The following PTPRK variants were observed in gnomAD, a reference collection of about 807,000 sequenced individuals.
The protein encoded by PTPRK is protein tyrosine phosphatase receptor type K.
Under a neutral mutation model 178.0 loss-of-function variants are expected in PTPRK, and 75 were observed. The observed-to-expected ratio is 0.42, with a 90% CI of 0.35 to 0.51. The LOEUF (loss-of-function observed/expected upper bound fraction) is 0.51, where lower values mean the gene tolerates loss of function less well. Among genes scored for constraint, PTPRK ranks in the 20% least tolerant of loss-of-function variants. PTPRK has a pLI of 0.02. For synonymous variants in PTPRK, 637 were observed against 620.6 expected, an observed-to-expected ratio of 1.03 and a Z score of -0.39; for missense variants, 1,441 against 1,797.8, an observed-to-expected ratio of 0.80 and a Z score of 3.59.
intron 7 of PTPRK, among the ~76,000 whole-genome samples, chr6:128,127,902 GCTTA>G: frequency 6.6e-6 from 1 of 152,236 alleles, no homozygotes; most frequent in Admixed American, 6.5e-5. Flanking sequence ...CTGTGGATCA[GCTTA>G]CTAAGAGACT....
chr6:128,503,054 C>G (rs1250618103), intron 1 of PTPRK, among the ~76,000 whole-genome samples: 1 of 152,126 alleles, frequency 6.6e-6, no homozygotes, highest in Non-Finnish European at 1.5e-5. Flanking sequence ...GGTGAAACCC[C>G]CGCCTCTACT....
At chr6:128,173,011 A>G (rs1450887447) in intron 7 of PTPRK, among the ~76,000 whole-genome samples, 1 of 151,982 alleles carries the variant, frequency 6.6e-6, no homozygotes, top group Non-Finnish European at 1.5e-5. Context: ...AATGAGAAGT[A>G]AGAGAGCAAT....
intron 2 of PTPRK, among the ~76,000 whole-genome samples, chr6:128,375,422 A>C (rs561588030): frequency 2.0e-5 from 3 of 152,038 alleles, no homozygotes; most frequent in African/African-American, 7.2e-5. Context: ...AAAAAACATC[A>C]GATCTCATGA....
chr6:128,000,883 A>G (rs1777759135), intron 15 of PTPRK, among the ~76,000 whole-genome samples: 1 of 152,012 alleles, frequency 6.6e-6, no homozygotes, highest in Admixed American at 6.6e-5. Flanking sequence ...CAATTGAAAA[A>G]GGCTCAGTGA....
At position 128,035,030 on chromosome 6, in the gene PTPRK, T is replaced by C. The variant is rs144193374; in HGVS notation, c.2195-25762A>G. Among the ~76,000 whole-genome samples the C allele has an allele frequency of 6.6e-5, 10 of 152,324 alleles. No individual in the cohort carries two copies. The East Asian group carries it at 1.9e-3, about 29-fold the overall frequency. On this transcript the variant is annotated intron_variant, in intron 13 of 29. Transcript: ENST00000368226. ...AAAGAAAATTTAGACAGTGGTCATT[T>C]TCTGATATTTAAAATGTCTTTTTAT...
At chr6:128,439,388 A>C (rs1846019325) in intron 1 of PTPRK, among the ~76,000 whole-genome samples, 1 of 152,202 alleles carries the variant, frequency 6.6e-6, no homozygotes, top group South Asian at 2.1e-4. Context: ...TTAATAAAAT[A>C]ATTCATTAAG....
At chr6:128,032,496 T>C (rs970266779) in intron 13 of PTPRK, among the ~76,000 whole-genome samples, 1 of 152,202 alleles carries the variant, frequency 6.6e-6, no homozygotes, top group Non-Finnish European at 1.5e-5. Context: ...ATTCTGATTA[T>C]AGATAATCCA....
chr6:128,115,850 A>G (rs986130196), intron 7 of PTPRK, among the ~76,000 whole-genome samples: 3 of 152,054 alleles, frequency 2.0e-5, no homozygotes, highest in African/African-American at 7.2e-5. Context: ...TATTAAATAC[A>G]TCCTTCTTTT....
At chr6:128,323,557 A>G (rs1449453421) in intron 2 of PTPRK, among the ~76,000 whole-genome samples, 2 of 152,050 alleles carry the variant, frequency 1.3e-5, no homozygotes, top group Non-Finnish European at 2.9e-5. Flanking sequence ...CACATTAACC[A>G]CTCAATAACT....
At chr6:128,133,747 C>T (rs1364578021) in intron 7 of PTPRK, among the ~76,000 whole-genome samples, 6 of 149,616 alleles carry the variant, frequency 4.0e-5, no homozygotes, top group Admixed American at 2.0e-4. Flanking sequence ...GAGACAGGGT[C>T]TCGCTATGTT....
chr6:128,432,754 A>ACACACACACACC (rs924639594), intron 1 of PTPRK, among the ~76,000 whole-genome samples: 2 of 151,952 alleles, frequency 1.3e-5, no homozygotes, highest in Admixed American at 6.6e-5. Context: ...AAACACACAC[A>ACACACACACACC]CACACACACA....
At chr6:128,230,591 A>T in intron 5 of PTPRK, 1 of 152,306 alleles carries the variant, frequency 6.6e-6, no homozygotes, top group South Asian at 2.1e-4. Context: ...TTTATTTTAC[A>T]ATAAAATAAT....
At chr6:128,073,912 T>A (rs1007982187) in intron 11 of PTPRK, among the ~76,000 whole-genome samples, 2 of 152,048 alleles carry the variant, frequency 1.3e-5, no homozygotes, top group African/African-American at 4.8e-5. Flanking sequence ...AAGCTCTAGG[T>A]CAGGATAGTG....
intron 2 of PTPRK, among the ~76,000 whole-genome samples, chr6:128,354,091 C>T (rs778238584): frequency 6.6e-6 from 1 of 151,940 alleles, no homozygotes; most frequent in Non-Finnish European, 1.5e-5. Flanking sequence ...TTGAATAATG[C>T]TACCCTTGTT....
At chr6:128,181,507 A>G (rs918977270) in intron 7 of PTPRK, among the ~76,000 whole-genome samples, 4 of 152,112 alleles carry the variant, frequency 2.6e-5, no homozygotes, top group African/African-American at 9.7e-5. Flanking sequence ...TCTAGTATTC[A>G]GTTCCTCTTA....
chr6:127,973,923 C>T (rs1265758184), intron 27 of PTPRK, 96 bp from the exon 28 acceptor site: 6 of 1,223,272 alleles, frequency 4.9e-6, no homozygotes, highest in Admixed American at 2.4e-5. Context: ...ATGGCATCTA[C>T]ACTGGATTGA....
At position 128,187,697 on chromosome 6, in the gene PTPRK, C is replaced by T. The variant is rs1222408081; in HGVS notation, c.869-2972G>A. Reference sequence around the variant, plus strand: ...TCACTCTGGCCAGTTTTACATCTCACTTTCCATGGTCAGGCCAAAAATGGG... The same window carrying T: ...TCACTCTGGCCAGTTTTACATCTCATTTTCCATGGTCAGGCCAAAAATGGG... On this transcript the variant is annotated intron_variant, in intron 6 of 29. Transcript: ENST00000368226. Among the ~76,000 whole-genome samples the T allele has an allele frequency of 2.6e-5, 4 of 152,264 alleles. No individual in the cohort carries two copies. The East Asian group carries it at 7.7e-4, about 29-fold the overall frequency.
chr6:128,377,649 C>T (rs1461037454), intron 2 of PTPRK, among the ~76,000 whole-genome samples: 2 of 151,318 alleles, frequency 1.3e-5, no homozygotes, highest in Admixed American at 1.3e-4. Context: ...TATTCAGCAT[C>T]TTGAGAAAAG....
chr6:128,116,694 A>C (rs1791579674), intron 7 of PTPRK, among the ~76,000 whole-genome samples: 1 of 152,252 alleles, frequency 6.6e-6, no homozygotes, highest in East Asian at 1.9e-4. Context: ...TGGATCCACG[A>C]ATAACCAGGT....
Sources: gnomAD v4.1 joint callset for allele counts (sites outside exome capture counted in the v4.1 genomes callset) on GRCh38, gnomAD v4.1.1 for gene constraint, MANE v1.5 for transcripts, NCBI Gene and HGNC (gene_info 2026-07-23, HGNC 2026-07-21) for gene names.